LRFN5: variants seen among roughly 807,000 people sequenced by gnomAD.
LRFN5 encodes the protein leucine rich repeat and fibronectin type III domain containing 5, also known as leucine-rich repeat and fibronectin type-III domain-containing protein 5.
LRFN5 carries 24 observed loss-of-function variants against 45.6 expected under a neutral mutation model. The ratio of observed to expected loss-of-function variants is 0.53; its 90% CI spans 0.38 to 0.74. LRFN5 has a LOEUF of 0.74. Ranked by LOEUF, LRFN5 falls within the 30% of genes least tolerant of loss-of-function variation. The pLI is 0.00. For synonymous variants in LRFN5, 340 were observed against 313.8 expected, an observed-to-expected ratio of 1.08 and a Z score of -0.88; for missense variants, 776 against 861.5, an observed-to-expected ratio of 0.90 and a Z score of 1.24.
At chr14:41,664,278 A>G (rs1192311402) in intron 1 of LRFN5, among the ~76,000 whole-genome samples, 1 of 152,034 alleles carries the variant, frequency 6.6e-6, no homozygotes, top group Non-Finnish European at 1.5e-5. Flanking sequence ...TAAAACTGCT[A>G]AATTTCTACT....
At chr14:41,729,181 G>GT (rs1217176123) in intron 1 of LRFN5, among the ~76,000 whole-genome samples, 1 of 152,150 alleles carries the variant, frequency 6.6e-6, no homozygotes, top group Non-Finnish European at 1.5e-5. Context: ...GAGGTGGTTG[G>GT]TTTAGGGGGT....
intron 2 of LRFN5, among the ~76,000 whole-genome samples, chr14:41,818,217 T>C (rs1019664584): frequency 3.3e-5 from 5 of 152,086 alleles, no homozygotes; most frequent in African/African-American, 9.7e-5. Flanking sequence ...CATTTCATTC[T>C]ATTTCCTGGA....
At position 41,662,956 on chromosome 14, in the gene LRFN5, CAT is replaced by C. The variant is rs149609969; in HGVS notation, c.-197+54397_-197+54398del. Among the ~76,000 whole-genome samples, 207 of 152,146 alleles carry C rather than the reference CAT, an allele frequency of 1.4e-3. 1 individual carries two copies. Among genetic ancestry groups the C allele is most frequent in the African/African-American group, 4.8e-3 (200 of 41,536 alleles). Reference sequence around the variant, plus strand: ...TATGAGTTAGAGTGGTTTCACATATCATATGAAATTGTACCTTGATAAGACAT... The same window carrying C: ...TATGAGTTAGAGTGGTTTCACATATCATGAAATTGTACCTTGATAAGACAT... On this transcript the variant is annotated intron_variant, in intron 1 of 5. Transcript: ENST00000298119.
At chr14:41,721,257 G>T in intron 1 of LRFN5, among the ~76,000 whole-genome samples, 1 of 152,016 alleles carries the variant, frequency 6.6e-6, no homozygotes, top group East Asian at 1.9e-4. Context: ...TTGAACCTAT[G>T]GTTGTCATTG....
intron 2 of LRFN5, among the ~76,000 whole-genome samples, chr14:41,832,854 G>A (rs905085712): frequency 6.6e-6 from 1 of 152,138 alleles, no homozygotes; most frequent in Non-Finnish European, 1.5e-5. Flanking sequence ...CCTAGTTTGT[G>A]AGCCCATTGT....
chr14:41,735,332 A>G lies in LRFN5; in HGVS notation c.-196-31522A>G, dbSNP rs141226418. On this transcript the variant is annotated intron_variant, in intron 1 of 5. Coordinates refer to ENST00000298119, the MANE Select transcript of LRFN5 (RefSeq NM_152447.5). ...ACCCAGGCAGTAATGCAGTGGCACA[A>G]TCATGGCTCACTGAAGCCTCAAACT... 6.6e-3 allele frequency among the ~76,000 whole-genome samples: 1,010 copies of G among 152,246 alleles called. 9 individuals carry two copies. Among genetic ancestry groups the G allele is most frequent in the African/African-American group, 0.023 (966 of 41,570 alleles).
chr14:41,762,642 A>T (rs1290135692), intron 1 of LRFN5, among the ~76,000 whole-genome samples: 2 of 152,072 alleles, frequency 1.3e-5, no homozygotes, highest in Non-Finnish European at 2.9e-5. Context: ...TGTGTCCCAA[A>T]TTATTTTTCA....
Position 41,607,792 on chromosome 14 carries a change from G to A in LRFN5, c.-967G>A, listed in dbSNP as rs1191035315. 1.3e-5 allele frequency: 2 copies of A among 152,134 alleles called. No individual in the cohort carries two copies. The highest frequency in any genetic ancestry group is 2.9e-5 in the Non-Finnish European group (2 of 68,040). 9.4% of individuals were successfully genotyped at this position (152,134 alleles called of 1,614,324 possible). A position where few individuals can be genotyped will look rare whatever the true frequency, so the allele number is the denominator to read the frequency against. ...TTCCAGGTACATCACAAGGTCAAGA[G>A]AGTGTCTTGCAGCCCTCTTGTTTCC... On this transcript the variant is annotated 5_prime_UTR_variant, in exon 1 of 6. Coordinates refer to ENST00000298119, the MANE Select transcript of LRFN5 (RefSeq NM_152447.5).
chr14:41,666,468 C>G (rs1366526275), intron 1 of LRFN5, among the ~76,000 whole-genome samples: 4 of 152,060 alleles, frequency 2.6e-5, no homozygotes, highest in Admixed American at 6.6e-5. Flanking sequence ...ATGAATATTT[C>G]AAATCATCAT....
chr14:41,845,429 C>A (rs1489242409), intron 2 of LRFN5, among the ~76,000 whole-genome samples: 1 of 152,064 alleles, frequency 6.6e-6, no homozygotes, highest in Non-Finnish European at 1.5e-5. Context: ...TGTCGTCTGC[C>A]ATATGCATGT....
rs200105534 is a variant in LRFN5 at position 41,689,443 on chromosome 14, AT to A, written c.-196-77404del. ...GAAAATCACTACTGATCTTACAGAA[AT>A]TTTTTTAAAAGAATGCTATTAAAAG... On this transcript the variant is annotated intron_variant, in intron 1 of 5. Coordinates refer to ENST00000298119, the MANE Select transcript of LRFN5 (RefSeq NM_152447.5). Among the ~76,000 whole-genome samples the A allele has an allele frequency of 9.8e-3, 1,496 of 152,256 alleles. 7 individuals carry two copies. Among genetic ancestry groups the A allele is most frequent in the East Asian group, 0.02 (103 of 5,184 alleles).
intron 1 of LRFN5, among the ~76,000 whole-genome samples, chr14:41,715,554 C>T (rs779027869): frequency 8.5e-5 from 13 of 152,130 alleles, no homozygotes; most frequent in Non-Finnish European, 1.5e-4. Context: ...TTCTCTGTGC[C>T]TTTGTTCCTT....
intron 1 of LRFN5, among the ~76,000 whole-genome samples, chr14:41,725,717 G>A (rs1488039723): frequency 6.6e-6 from 1 of 152,080 alleles, no homozygotes; most frequent in Non-Finnish European, 1.5e-5. Flanking sequence ...ATATTTCTAA[G>A]TCTCCACTGA....
In LRFN5 at chr14:41,851,168, T is replaced by A. The variant is rs574012750; in HGVS notation, c.-20-35438T>A. On this transcript the variant is annotated intron_variant, in intron 2 of 5. Transcript: ENST00000298119. ...AGAAGTTATAATAATGCATTCTACT[T>A]TGGTGTCCCTTCTGCCTGTAATTAA... 8.1e-4 allele frequency among the ~76,000 whole-genome samples: 123 copies of A among 151,900 alleles called. 1 individual carries two copies. Among genetic ancestry groups the A allele is most frequent in the Middle Eastern group, 6.8e-3 (2 of 294 alleles).
At chr14:41,775,167 T>A (rs1490875938) in intron 2 of LRFN5, among the ~76,000 whole-genome samples, 3 of 145,212 alleles carry the variant, frequency 2.1e-5, no homozygotes, top group African/African-American at 7.7e-5. Flanking sequence ...CTCGGCTCAA[T>A]GCAAGCTCCG....
At chr14:41,842,321 C>T (rs1428528107) in intron 2 of LRFN5, among the ~76,000 whole-genome samples, 2 of 152,056 alleles carry the variant, frequency 1.3e-5, no homozygotes, top group Non-Finnish European at 2.9e-5. Context: ...CAGTGACAAG[C>T]ATCATTGTAG....
chr14:41,727,106 T>A (rs1299779673), intron 1 of LRFN5, among the ~76,000 whole-genome samples: 1 of 152,180 alleles, frequency 6.6e-6, no homozygotes, highest in Non-Finnish European at 1.5e-5. Flanking sequence ...ACCATTGACC[T>A]TTTACAGTGA....
At chr14:41,722,824 T>C (rs1883782540) in intron 1 of LRFN5, among the ~76,000 whole-genome samples, 2 of 152,176 alleles carry the variant, frequency 1.3e-5, no homozygotes, top group South Asian at 4.1e-4. Flanking sequence ...AATGGGCTGA[T>C]TCATGGAATA....
At chr14:41,771,241 T>C (rs1886076008) in intron 2 of LRFN5, among the ~76,000 whole-genome samples, 1 of 150,782 alleles carries the variant, frequency 6.6e-6, no homozygotes, top group African/African-American at 2.4e-5. Context: ...ATAGAATGGT[T>C]TCTGGGAGCA....
Sources: allele counts gnomAD v4.1 joint callset (sites outside exome capture counted in the v4.1 genomes callset), GRCh38; gene constraint gnomAD v4.1.1; transcripts MANE v1.5; gene names NCBI Gene and HGNC (gene_info 2026-07-23, HGNC 2026-07-21).